Variants in BICC1 observed in about 807,000 individuals in gnomAD.
BICC1 encodes protein bicaudal C homolog 1.
Under a neutral mutation model 111.0 loss-of-function variants are expected in BICC1, and 43 were observed. That is an observed-to-expected ratio of 0.39 (90% confidence interval 0.30 to 0.50). BICC1 has a LOEUF of 0.50. Ranked by LOEUF, BICC1 falls within the 20% of genes least tolerant of loss-of-function variation. The pLI is 0.88. For synonymous variants in BICC1, 467 were observed against 434.4 expected (o/e 1.07, Z -0.93); for missense variants, 1,091 against 1,203.2 (o/e 0.91, Z 1.38).
At chr10:58,711,814 T>TG (rs976647772) in intron 3 of BICC1, among the ~76,000 whole-genome samples, 19 of 151,246 alleles carry the variant, frequency 1.3e-4, no homozygotes, top group South Asian at 2.1e-4. Context: ...TTTTGTTTTT[T>TG]TTTTTTAAAG....
intron 1 of BICC1, among the ~76,000 whole-genome samples, chr10:58,576,100 C>T (rs1844103942): frequency 6.6e-6 from 1 of 152,138 alleles, no homozygotes; most frequent in African/African-American, 2.4e-5. Flanking sequence ...GGCAGAGTGT[C>T]ACCTAGCCCC....
chr10:58,738,205 G>T (rs926479770), intron 3 of BICC1, among the ~76,000 whole-genome samples: 14 of 152,070 alleles, frequency 9.2e-5, no homozygotes, highest in Non-Finnish European at 1.9e-4. Context: ...TTTCTTCTAG[G>T]GTTTTTATGG....
chr10:58,563,733 A>T (rs942420255), intron 1 of BICC1, among the ~76,000 whole-genome samples: 26 of 152,210 alleles, frequency 1.7e-4, no homozygotes, highest in African/African-American at 6.3e-4. Context: ...GGGGTGTTTT[A>T]AAGTTTTCCT....
At chr10:58,722,492 A>G (rs1325441039) in intron 3 of BICC1, among the ~76,000 whole-genome samples, 2 of 152,206 alleles carry the variant, frequency 1.3e-5, no homozygotes, top group Non-Finnish European at 2.9e-5. Context: ...ATTCTCATCA[A>G]TCACATGAAT....
intron 3 of BICC1, among the ~76,000 whole-genome samples, chr10:58,784,312 T>C (rs1353182228): frequency 6.6e-6 from 1 of 152,184 alleles, no homozygotes; most frequent in African/African-American, 2.4e-5. Flanking sequence ...ATTTGGTGAA[T>C]GAATGAATGC....
chr10:58,553,133 G>C (rs559330536), intron 1 of BICC1, among the ~76,000 whole-genome samples: 11 of 152,208 alleles, frequency 7.2e-5, no homozygotes, highest in African/African-American at 2.4e-4. Context: ...AGATGTAGTG[G>C]TGGAGAGAAG....
chr10:58,700,770 G>A (rs1840209659), intron 2 of BICC1, among the ~76,000 whole-genome samples: 1 of 152,180 alleles, frequency 6.6e-6, no homozygotes, highest in African/African-American at 2.4e-5. Context: ...CTCAGAGCCT[G>A]CTGGCCCTGA....
chr10:58,779,276 C>T (rs1842824363), intron 3 of BICC1, among the ~76,000 whole-genome samples: 1 of 152,158 alleles, frequency 6.6e-6, no homozygotes, highest in Non-Finnish European at 1.5e-5. Flanking sequence ...TTGAAGTAGA[C>T]TCTCGTCTTT....
chr10:58,798,898 G>A (rs1161339938), intron 11 of BICC1, among the ~76,000 whole-genome samples, 158 bp from the exon 12 acceptor site: 2 of 152,058 alleles, frequency 1.3e-5, no homozygotes, highest in East Asian at 1.9e-4. Context: ...ACACTCTTTT[G>A]TGTTTTTATA....
At position 58,591,005 on chromosome 10, in the gene BICC1, C is replaced by G. The variant is rs934856174; in HGVS notation, c.191-29850C>G. ...AATGATCTTTTCTACTAGTTCCCCC[C>G]TCCCTTCCCTCAAAGGCCTGAATAG... is the stretch of plus-strand genomic sequence containing the variant. On this transcript the variant is annotated intron_variant, in intron 1 of 20. Coordinates refer to ENST00000373886, the MANE Select transcript of BICC1 (RefSeq NM_001080512.3). Among the ~76,000 whole-genome samples, 4 of 152,218 alleles carry G rather than the reference C, an allele frequency of 2.6e-5. No individual in the cohort carries two copies. In the East Asian group the frequency reaches 5.8e-4, roughly 22 times the overall value.
rs754107988 is a variant in BICC1, at chr10:58,813,872, T to G, written c.2419T>G (p.Leu807Val). The G allele has an allele frequency of 1.2e-6, 2 of 1,613,934 alleles. No individual in the cohort carries two copies. Among genetic ancestry groups the G allele is most frequent in the African/African-American group, 1.3e-5 (1 of 75,024 alleles). The change falls in exon 18 of 21, where the codon TTG (leucine) becomes GTG (valine). Residue 807 changes from leucine (L) to valine (V), a missense_variant. Coordinates refer to ENST00000373886, the MANE Select transcript of BICC1 (RefSeq NM_001080512.3). Reference protein sequence around the residue: ...SLSRSNSREHLGGGSESDNWR... With the variant: ...SLSRSNSREHVGGGSESDNWR... ...TTCACGGTCCAACAGTCGTGAGCACTTGGGAGGTGGAAGCGAATCTGATAA... is the reference window on the plus strand; with the variant it reads ...TTCACGGTCCAACAGTCGTGAGCACGTGGGAGGTGGAAGCGAATCTGATAA...
chr10:58,799,678 A>C (rs1390890723), intron 12 of BICC1, among the ~76,000 whole-genome samples: 3 of 151,542 alleles, frequency 2.0e-5, no homozygotes, highest in Non-Finnish European at 4.4e-5. Context: ...TTATTTCTGG[A>C]TTCTCTATTC....
At chr10:58,641,591 G>A (rs1033526300) in intron 2 of BICC1, among the ~76,000 whole-genome samples, 2 of 152,092 alleles carry the variant, frequency 1.3e-5, no homozygotes, top group African/African-American at 4.8e-5. Flanking sequence ...GTATTGACTA[G>A]TCTTAGAGAG....
intron 8 of BICC1, among the ~76,000 whole-genome samples, chr10:58,792,504 A>G (rs1361139303): frequency 6.6e-6 from 1 of 152,180 alleles, no homozygotes; most frequent in Admixed American, 6.5e-5. Flanking sequence ...ATCTGTATTA[A>G]CAGAGGCTTC....
At chr10:58,813,197 A>G (rs372693480) in intron 17 of BICC1, among the ~76,000 whole-genome samples, 1 of 152,214 alleles carries the variant, frequency 6.6e-6, no homozygotes, top group East Asian at 1.9e-4. Context: ...GGTGTCTATA[A>G]TATAGTGATT....
chr10:58,600,830 A>G (rs1845001618), intron 1 of BICC1, among the ~76,000 whole-genome samples: 1 of 152,046 alleles, frequency 6.6e-6, no homozygotes, highest in Non-Finnish European at 1.5e-5. Context: ...CTGTATTTTA[A>G]TAATACATTA....
chr10:58,800,134 G>A (rs1047543557), intron 12 of BICC1, 60 bp from the exon 13 acceptor site: 1 of 1,358,134 alleles, frequency 7.4e-7, no homozygotes, highest in Non-Finnish European at 1.0e-6. Flanking sequence ...TTGTGTTCTT[G>A]ATTTGACTCT....
At chr10:58,530,173 C>A (rs1362351961) in intron 1 of BICC1, among the ~76,000 whole-genome samples, 3 of 151,708 alleles carry the variant, frequency 2.0e-5, no homozygotes, top group Middle Eastern at 6.8e-3. Context: ...AGAGTAAGGC[C>A]CTGATTAATG....
At position 58,609,393 on chromosome 10, in the gene BICC1, A is replaced by G. The variant is rs192457871; in HGVS notation, c.191-11462A>G. Among the ~76,000 whole-genome samples, 308 of 152,292 alleles carry G rather than the reference A, an allele frequency of 2.0e-3. 1 individual carries two copies. The highest frequency in any genetic ancestry group is 6.8e-3 in the African/African-American group (284 of 41,558). On this transcript the variant is annotated intron_variant, in intron 1 of 20. Transcript: ENST00000373886. Reference sequence around the variant, plus strand: ...CTCATAGCCTGTAGCTGTGTGCTCTACTTGAAACTTTTCAATCCTCCTTGG... The same window carrying G: ...CTCATAGCCTGTAGCTGTGTGCTCTGCTTGAAACTTTTCAATCCTCCTTGG...
Sources: allele counts gnomAD v4.1 joint callset (sites outside exome capture counted in the v4.1 genomes callset), GRCh38; gene constraint gnomAD v4.1.1; transcripts MANE v1.5; gene names NCBI Gene and HGNC (gene_info 2026-07-23, HGNC 2026-07-21).